Variants in PRR16 observed in about 807,000 individuals in gnomAD.
The protein encoded by PRR16 is protein Largen.
PRR16 carries 6 observed loss-of-function variants against 18.2 expected under a neutral mutation model. The observed-to-expected ratio is 0.33, with a 90% confidence interval of 0.18 to 0.65. The LOEUF (loss-of-function observed/expected upper bound fraction) is 0.65, where lower values mean the gene tolerates loss of function less well. PRR16 is among the 30% of genes least tolerant of loss of function. PRR16 has a pLI of 0.74. For missense variants in PRR16, 412 were observed against 376.6 expected (o/e 1.09, Z -0.78); for synonymous variants, 151 against 147.8 (o/e 1.02, Z -0.16).
rs1315863149 is a variant in PRR16 at position 120,585,407 on chromosome 5, C to T, written c.160-100547C>T. On this transcript the variant is annotated intron_variant, in intron 1 of 1. Coordinates refer to ENST00000407149, the MANE Select transcript of PRR16 (RefSeq NM_001300783.2). ...GGCAGGTCACTTGAGGTCAGGAGTT[C>T]GAGACCAACCTGGCCAACATGGTGA... Among the ~76,000 whole-genome samples the T allele has an allele frequency of 3.3e-5, 5 of 151,804 alleles. 1 individual carries two copies. Among genetic ancestry groups the T allele is most frequent in the African/African-American group, 9.7e-5 (4 of 41,334 alleles).
chr5:120,518,628 T>C (rs1751074471), intron 1 of PRR16, among the ~76,000 whole-genome samples: 1 of 151,878 alleles, frequency 6.6e-6, no homozygotes, highest in South Asian at 2.1e-4. Context: ...TGTGTAGTAA[T>C]AAATTTTTTC....
chr5:120,671,258 C>T (rs1398130692), intron 1 of PRR16, among the ~76,000 whole-genome samples: 1 of 152,100 alleles, frequency 6.6e-6, no homozygotes, highest in African/African-American at 2.4e-5. Flanking sequence ...TACCTCTTCT[C>T]TCAAAGATCA....
intron 1 of PRR16, among the ~76,000 whole-genome samples, chr5:120,665,251 T>C (rs1309087722): frequency 6.6e-6 from 1 of 150,538 alleles, no homozygotes; most frequent in Admixed American, 6.7e-5. Flanking sequence ...TACATAAATG[T>C]CTTCTTTTGA....
intron 1 of PRR16, among the ~76,000 whole-genome samples, chr5:120,599,674 T>G (rs986872506): frequency 6.6e-6 from 1 of 151,958 alleles, no homozygotes; most frequent in Non-Finnish European, 1.5e-5. Flanking sequence ...TATCGTTTTC[T>G]GAGTTTATTT....
chr5:120,783,393 A>C, the PRR16 span, among the ~76,000 whole-genome samples: 1 of 152,060 alleles, frequency 6.6e-6, no homozygotes, highest in African/African-American at 2.4e-5. Flanking sequence ...GCCAAAACAA[A>C]CTTCTCAAAA....
chr5:120,559,239 A>G (rs1752504164), intron 1 of PRR16, among the ~76,000 whole-genome samples: 1 of 151,902 alleles, frequency 6.6e-6, no homozygotes, highest in Admixed American at 6.6e-5. Context: ...AATGTCCAGG[A>G]GAGTTCCCCG....
At chr5:120,546,145 A>G (rs1030929655) in intron 1 of PRR16, among the ~76,000 whole-genome samples, 1 of 152,120 alleles carries the variant, frequency 6.6e-6, no homozygotes, top group African/African-American at 2.4e-5. Context: ...GGCAGAGCCC[A>G]TGCTCTTAAG....
chr5:120,672,293 A>G (rs1404180931), intron 1 of PRR16, among the ~76,000 whole-genome samples: 3 of 138,986 alleles, frequency 2.2e-5, no homozygotes, highest in Non-Finnish European at 1.6e-5. Flanking sequence ...GTGGGGGGAA[A>G]CAGAGGAACT....
At chr5:120,650,406 C>A (rs1275552715) in intron 1 of PRR16, among the ~76,000 whole-genome samples, 1 of 150,834 alleles carries the variant, frequency 6.6e-6, no homozygotes, top group African/African-American at 2.4e-5. Flanking sequence ...TATACATGTG[C>A]CATGTTGGTG....
chr5:120,702,577 G>A, the PRR16 span, among the ~76,000 whole-genome samples: 2 of 152,120 alleles, frequency 1.3e-5, no homozygotes, highest in African/African-American at 4.8e-5. Context: ...TTGAAACATG[G>A]GTGAATAATC....
chr5:120,617,297 T>A, intron 1 of PRR16: 1 of 454,850 alleles, frequency 2.2e-6, no homozygotes, highest in Non-Finnish European at 2.9e-6. Context: ...AAAATATATG[T>A]AAGAGTTGCA....
intron 1 of PRR16, among the ~76,000 whole-genome samples, chr5:120,537,170 C>G (rs1237313039): frequency 1.3e-5 from 2 of 152,118 alleles, no homozygotes; most frequent in African/African-American, 4.8e-5. Context: ...AACAAACCCG[C>G]ACATGTACCC....
chr5:120,735,909 A>C, the PRR16 span, among the ~76,000 whole-genome samples: 91,099 of 151,988 alleles, frequency 0.6, 27,739 homozygotes, highest in East Asian at 0.81. Flanking sequence ...CAATGTCATA[A>C]AGCTTTTCTC....
chr5:120,625,230 C>T (rs1754825773), intron 1 of PRR16, among the ~76,000 whole-genome samples: 1 of 152,184 alleles, frequency 6.6e-6, no homozygotes, highest in Non-Finnish European at 1.5e-5. Flanking sequence ...TACTTTGTCT[C>T]TGAACTCAGT....
At chr5:120,564,453 C>G (rs924689063) in intron 1 of PRR16, among the ~76,000 whole-genome samples, 2 of 152,076 alleles carry the variant, frequency 1.3e-5, no homozygotes, top group Non-Finnish European at 2.9e-5. Context: ...GAGCATGTCC[C>G]CTCTAGCTAG....
the PRR16 span, among the ~76,000 whole-genome samples, chr5:120,711,893 C>A: frequency 6.6e-6 from 1 of 152,118 alleles, no homozygotes; most frequent in Non-Finnish European, 1.5e-5. Context: ...CTATGGAGCC[C>A]CTCCCATGGA....
the PRR16 span, among the ~76,000 whole-genome samples, chr5:120,703,238 A>G: frequency 6.6e-6 from 1 of 152,274 alleles, no homozygotes; most frequent in Admixed American, 6.5e-5. Flanking sequence ...TAATGTCATC[A>G]CTTAAGGCAA....
chr5:120,664,825 A>G (rs1437977563), intron 1 of PRR16, among the ~76,000 whole-genome samples: 3 of 142,898 alleles, frequency 2.1e-5, no homozygotes, highest in Admixed American at 7.0e-5. Context: ...CGTGGTGTAT[A>G]TGTGCCACAT....
the PRR16 span, among the ~76,000 whole-genome samples, chr5:120,702,807 G>A: frequency 2.6e-5 from 4 of 152,256 alleles, no homozygotes; most frequent in South Asian, 2.1e-4. Flanking sequence ...AGAAGAGGCC[G>A]CTTACCTGAT....
Sources: allele counts gnomAD v4.1 joint callset (sites outside exome capture counted in the v4.1 genomes callset), GRCh38; gene constraint gnomAD v4.1.1; transcripts MANE v1.5; gene names NCBI Gene and HGNC (gene_info 2026-07-23, HGNC 2026-07-21).